The following LAMTOR3 variants were observed in gnomAD, a reference collection of about 807,000 sequenced individuals.
LAMTOR3 encodes the protein late endosomal/lysosomal adaptor, MAPK and MTOR activator 3, also known as ragulator complex protein LAMTOR3.
A neutral mutation model predicts 20.3 loss-of-function variants in LAMTOR3; 14 were observed. The ratio of observed to expected loss-of-function variants is 0.69; its 90% confidence interval spans 0.46 to 1.08. The LOEUF (loss-of-function observed/expected upper bound fraction) is 1.08, where lower values mean the gene tolerates loss of function less well. Among genes scored for constraint, LAMTOR3 ranks in the 50% least tolerant of loss-of-function variants. LAMTOR3 has a pLI of 0.00. For synonymous variants in LAMTOR3, 40 were observed against 49.4 expected (o/e 0.81, Z 0.80); for missense variants, 125 against 143.7 (o/e 0.87, Z 0.67).
At chr4:99,891,657 C>A (rs900974031) in intron 3 of LAMTOR3, among the ~76,000 whole-genome samples, 1 of 151,968 alleles carries the variant, frequency 6.6e-6, no homozygotes, top group East Asian at 1.9e-4. Context: ...CCAACAAAGA[C>A]GAAATACAGC....
intron 1 of LAMTOR3, 88 bp from the exon 2 acceptor site, chr4:99,894,088 A>AGGGCT: frequency 1.2e-6 from 1 of 848,706 alleles, no homozygotes; most frequent in Non-Finnish European, 1.7e-6. Context: ...AGCCCTGGTC[A>AGGGCT]GAACCAGGTA....
intron 4 of LAMTOR3, among the ~76,000 whole-genome samples, chr4:99,886,025 C>A (rs992012136): frequency 2.0e-5 from 3 of 152,154 alleles, no homozygotes; most frequent in Non-Finnish European, 4.4e-5. Context: ...AAAAAAGTTA[C>A]AAAACTTCTG....
Position 99,881,261 on chromosome 4 carries a change from TATC to T in LAMTOR3, c.*730_*732del, listed in dbSNP as rs1372161524. On this transcript the variant is annotated 3_prime_UTR_variant, in exon 7 of 7. Coordinates refer to ENST00000499666, the MANE Select transcript of LAMTOR3 (RefSeq NM_021970.4). ...TCACATATGAAAAAAATGGCTGTAC[TATC>T]ATGTTTACATACATACTAACATTGG... 1 of 152,250 alleles carries T rather than the reference TATC, an allele frequency of 6.6e-6. No homozygotes were observed. The highest frequency in any genetic ancestry group is 2.4e-5 in the African/African-American group (1 of 41,468). 9.4% of individuals were successfully genotyped at this position (152,250 alleles called of 1,614,324 possible).
chr4:99,886,064 T>G (rs10016741), intron 4 of LAMTOR3, among the ~76,000 whole-genome samples: 16,825 of 152,242 alleles, frequency 0.11, 1,098 homozygotes, highest in East Asian at 0.24. Context: ...CAGCAGTATC[T>G]CTCATAGATA....
At chr4:99,888,352 C>T (rs1578203577) in intron 3 of LAMTOR3, among the ~76,000 whole-genome samples, 1 of 152,188 alleles carries the variant, frequency 6.6e-6, no homozygotes, top group African/African-American at 2.4e-5. Context: ...ATTGTGCACA[C>T]TGACAATGAC....
At chr4:99,883,549 A>G (rs1280713338) in intron 6 of LAMTOR3, among the ~76,000 whole-genome samples, 2 of 152,154 alleles carry the variant, frequency 1.3e-5, no homozygotes, top group South Asian at 4.1e-4. Flanking sequence ...CAAATTCTTC[A>G]GTTCTCAAGA....
intron 5 of LAMTOR3, among the ~76,000 whole-genome samples, chr4:99,884,333 T>C (rs533488359): frequency 6.6e-6 from 1 of 152,334 alleles, no homozygotes; most frequent in Admixed American, 6.5e-5. Flanking sequence ...GAGACATTAA[T>C]ACCATTTGGC....
chr4:99,889,327 A>T (rs1463884513), intron 3 of LAMTOR3, among the ~76,000 whole-genome samples: 1 of 152,234 alleles, frequency 6.6e-6, no homozygotes, highest in Non-Finnish European at 1.5e-5. Context: ...CAAAAGCAAC[A>T]TCATTTGAAA....
intron 3 of LAMTOR3, among the ~76,000 whole-genome samples, chr4:99,888,527 T>C (rs969704376): frequency 1.3e-5 from 2 of 152,214 alleles, no homozygotes; most frequent in African/African-American, 4.8e-5. Flanking sequence ...ATAAATCTTA[T>C]AGTCCTGTAA....
chr4:99,890,754 T>C (rs554486448), intron 3 of LAMTOR3, among the ~76,000 whole-genome samples: 1 of 152,304 alleles, frequency 6.6e-6, no homozygotes, highest in Admixed American at 6.5e-5. Flanking sequence ...ATTTCCCCTT[T>C]TGTTAAAAGA....
intron 3 of LAMTOR3, among the ~76,000 whole-genome samples, chr4:99,890,897 T>C (rs1422296018): frequency 1.3e-5 from 2 of 152,232 alleles, no homozygotes; most frequent in African/African-American, 4.8e-5. Context: ...GACAGCTTCA[T>C]CATATCCAGT....
Position 99,885,769 on chromosome 4 carries a change from A to T in LAMTOR3, c.104-94T>A. 2.9e-6 allele frequency: 3 copies of T among 1,035,918 alleles called. No homozygotes were observed. The South Asian group carries it at 4.6e-5, about 16-fold the overall frequency. 64.2% of individuals were successfully genotyped at this position (1,035,918 alleles called of 1,614,324 possible). A position where few individuals can be genotyped will look rare whatever the true frequency, so the allele number is the denominator to read the frequency against. Reference sequence around the variant, plus strand: ...TTTCATAAACCTCTTTTTAAAATTGAACACAAAGGTTATGTTTCACAATAT... The same window carrying T: ...TTTCATAAACCTCTTTTTAAAATTGTACACAAAGGTTATGTTTCACAATAT... On this transcript the variant is annotated intron_variant, in intron 4 of 6. Transcript: ENST00000499666.
intron 3 of LAMTOR3, among the ~76,000 whole-genome samples, chr4:99,887,814 T>G (rs1384058453): frequency 6.6e-6 from 1 of 152,230 alleles, no homozygotes; most frequent in Non-Finnish European, 1.5e-5. Context: ...AAAAAGTGAA[T>G]GTGTTACCAA....
chr4:99,887,720 G>T (rs914912343), intron 3 of LAMTOR3, among the ~76,000 whole-genome samples: 3 of 152,096 alleles, frequency 2.0e-5, no homozygotes, highest in Non-Finnish European at 2.9e-5. Flanking sequence ...AATATTAAGC[G>T]GCCAGTATTT....
Position 99,881,919 on chromosome 4 carries a change from T to G in LAMTOR3, c.*75A>C. The G allele has an allele frequency of 1.0e-6, 1 of 1,003,310 alleles. No individual in the cohort carries two copies. The allele number at this position is 1,003,310 out of a possible 1,614,324, so 62.2% of individuals were successfully genotyped here. ...TTGAGCACATGGATAAAAGTATTAT[T>G]GTAGTCTAAAGATTGCTGGATTGAT... On this transcript the variant is annotated 3_prime_UTR_variant, in exon 7 of 7. Coordinates refer to ENST00000499666, the MANE Select transcript of LAMTOR3 (RefSeq NM_021970.4).
chr4:99,881,571 GA>G lies in LAMTOR3; in HGVS notation c.*422del, dbSNP rs1724827933. The G allele has an allele frequency of 6.4e-6, 1 of 156,240 alleles. No individual in the cohort carries two copies. Among genetic ancestry groups the G allele is most frequent in the African/African-American group, 2.4e-5 (1 of 41,504 alleles). 9.7% of individuals were successfully genotyped at this position (156,240 alleles called of 1,614,324 possible). A position where few individuals can be genotyped will look rare whatever the true frequency, so the allele number is the denominator to read the frequency against. Reference sequence around the variant, plus strand: ...GCAAAGAAATAAAACATAATCTGAAGAAAAATATGTCCTTATTATTATTCAC... The same window carrying G: ...GCAAAGAAATAAAACATAATCTGAAGAAAATATGTCCTTATTATTATTCAC... On this transcript the variant is annotated 3_prime_UTR_variant, in exon 7 of 7. Coordinates refer to ENST00000499666, the MANE Select transcript of LAMTOR3 (RefSeq NM_021970.4).
chr4:99,894,434 G>C (rs1007221875), upstream of LAMTOR3: 1 of 153,738 alleles, frequency 6.5e-6, no homozygotes, highest in Non-Finnish European at 1.4e-5. Context: ...TCATGACCTC[G>C]TCTGCGCTCC....
Position 99,882,185 on chromosome 4 carries a change from T to C in LAMTOR3, c.302-118A>G. The C allele has an allele frequency of 7.8e-6, 5 of 641,394 alleles. No homozygotes were observed. The South Asian group carries it at 9.7e-5, about 12-fold the overall frequency. 39.7% of individuals were successfully genotyped at this position (641,394 alleles called of 1,614,324 possible). A position where few individuals can be genotyped will look rare whatever the true frequency, so the allele number is the denominator to read the frequency against. On this transcript the variant is annotated intron_variant, in intron 6 of 6. Transcript: ENST00000499666. The stretch of plus-strand genomic sequence containing the variant: ...CAAAAGTAAATCAGAACATAGTTTA[T>C]TTCCCATGACTGAAACAAAATACAG...
At chr4:99,893,420 T>C (rs1408183730) in intron 2 of LAMTOR3, among the ~76,000 whole-genome samples, 2 of 152,200 alleles carry the variant, frequency 1.3e-5, no homozygotes, top group East Asian at 1.9e-4. Flanking sequence ...TCTCTTGTTT[T>C]GAGCATCCAG....
Sources: allele counts gnomAD v4.1 joint callset (sites outside exome capture counted in the v4.1 genomes callset), GRCh38; gene constraint gnomAD v4.1.1; transcripts MANE v1.5; gene names NCBI Gene and HGNC (gene_info 2026-07-23, HGNC 2026-07-21).